GUCY1A2: variants seen among roughly 807,000 people sequenced by gnomAD.
GUCY1A2 encodes the protein guanylate cyclase 1 soluble subunit alpha 2.
Under a neutral mutation model 63.5 loss-of-function variants are expected in GUCY1A2, and 27 were observed. The ratio of observed to expected loss-of-function variants is 0.43; its 90% confidence interval spans 0.31 to 0.59. The LOEUF (loss-of-function observed/expected upper bound fraction) is 0.59, where lower values mean the gene tolerates loss of function less well. Among genes scored for constraint, GUCY1A2 ranks in the 20% least tolerant of loss-of-function variants. The pLI is 0.11. For missense variants in GUCY1A2, 768 were observed against 913.3 expected (o/e 0.84, Z 2.05); for synonymous variants, 364 against 343.5 (o/e 1.06, Z -0.66).
chr11:106,998,378 A>G (rs1861568355), intron 1 of GUCY1A2, among the ~76,000 whole-genome samples: 1 of 152,204 alleles, frequency 6.6e-6, no homozygotes, highest in South Asian at 2.1e-4. Context: ...ATGTTTTTTC[A>G]AATTCTTCCT....
chr11:106,883,372 T>A (rs1327487187), intron 4 of GUCY1A2, among the ~76,000 whole-genome samples: 3 of 152,122 alleles, frequency 2.0e-5, no homozygotes, highest in East Asian at 1.9e-4. Flanking sequence ...TTTGTATCTA[T>A]GATAATGTAT....
chr11:106,712,915 C>T (rs1863145119), intron 6 of GUCY1A2, among the ~76,000 whole-genome samples: 1 of 152,142 alleles, frequency 6.6e-6, no homozygotes, highest in Non-Finnish European at 1.5e-5. Context: ...CACATATGTG[C>T]ACTAATCACT....
In GUCY1A2 at chr11:106,795,133, C is replaced by T. The variant is rs190704223; in HGVS notation, c.1692+14860G>A. Among the ~76,000 whole-genome samples the T allele has an allele frequency of 5.3e-5, 8 of 152,240 alleles. No homozygotes were observed. The Middle Eastern group carries it at 0.01, about 194-fold the overall frequency. On this transcript the variant is annotated intron_variant, in intron 5 of 7. Coordinates refer to ENST00000526355, the MANE Select transcript of GUCY1A2 (RefSeq NM_000855.3). ...CCATTTTATAGATGCAGAAGCTGAA[C>T]ACAGATAAGTTACGTGACTTACTCA...
At chr11:106,929,387 C>G (rs1288237233) in intron 4 of GUCY1A2, among the ~76,000 whole-genome samples, 1 of 152,074 alleles carries the variant, frequency 6.6e-6, no homozygotes, top group Non-Finnish European at 1.5e-5. Flanking sequence ...ATTTTAAAAG[C>G]CACTATGTAC....
At chr11:106,823,901 T>A (rs1260259468) in intron 4 of GUCY1A2, 3 of 330,160 alleles carry the variant, frequency 9.1e-6, no homozygotes, top group Admixed American at 5.1e-5. Flanking sequence ...CTTTGCCCAC[T>A]TTTTTTTTCT....
chr11:106,769,934 AGAAAAT>A (rs1257813695), intron 6 of GUCY1A2, among the ~76,000 whole-genome samples: 1 of 152,176 alleles, frequency 6.6e-6, no homozygotes, highest in Non-Finnish European at 1.5e-5. Flanking sequence ...AAAGAATCTT[AGAAAAT>A]TAATTAGGTT....
chr11:106,683,681 G>A lies in GUCY1A2; in HGVS notation c.*3868C>T, dbSNP rs61903146. 0.099 allele frequency: 22,346 copies of A among 225,650 alleles called. 1,456 individuals are homozygous for A. The highest frequency in any genetic ancestry group is 0.14 in the Non-Finnish European group (15,873 of 113,154). 14.0% of individuals were successfully genotyped at this position (225,650 alleles called of 1,614,324 possible). A position where few individuals can be genotyped will look rare whatever the true frequency, so the allele number is the denominator to read the frequency against. On this transcript the variant is annotated 3_prime_UTR_variant, in exon 8 of 8. Coordinates refer to ENST00000526355, the MANE Select transcript of GUCY1A2 (RefSeq NM_000855.3). ...CTAGTGACAGAATGGAGTAAGAAAG[G>A]GTCCAGAATGGACTGAGTCATTCTC... is the stretch of plus-strand genomic sequence containing the variant.
At chr11:106,769,390 A>G (rs1864216530) in intron 6 of GUCY1A2, among the ~76,000 whole-genome samples, 1 of 152,194 alleles carries the variant, frequency 6.6e-6, no homozygotes, top group Non-Finnish European at 1.5e-5. Context: ...AGTTTAATCA[A>G]TAATTTTTAC....
chr11:106,913,038 T>C (rs944470019), intron 4 of GUCY1A2, among the ~76,000 whole-genome samples: 2 of 152,140 alleles, frequency 1.3e-5, no homozygotes, highest in Admixed American at 6.6e-5. Context: ...GGAAAACATG[T>C]TGGTTTTAGA....
chr11:106,799,050 G>A (rs1328809254), intron 5 of GUCY1A2, among the ~76,000 whole-genome samples: 2 of 152,128 alleles, frequency 1.3e-5, no homozygotes, highest in Admixed American at 6.6e-5. Context: ...AAGCTGATAA[G>A]CAACTTCAGC....
chr11:106,884,147 G>A (rs557573815), intron 4 of GUCY1A2, among the ~76,000 whole-genome samples: 5 of 152,030 alleles, frequency 3.3e-5, no homozygotes, highest in Admixed American at 2.6e-4. Flanking sequence ...AGACCTGCAC[G>A]TTCTGCACAT....
chr11:106,699,934 C>T (rs373840384), intron 7 of GUCY1A2, among the ~76,000 whole-genome samples: 1 of 151,856 alleles, frequency 6.6e-6, no homozygotes, highest in Admixed American at 6.6e-5. Context: ...GGCGCCCGTC[C>T]CCTCGCCTGG....
intron 4 of GUCY1A2, among the ~76,000 whole-genome samples, chr11:106,867,919 GT>G (rs1341116773): frequency 6.6e-6 from 1 of 151,956 alleles, no homozygotes; most frequent in African/African-American, 2.4e-5. Context: ...AATGACATTT[GT>G]TCCAAATTTA....
chr11:106,988,613 A>G (rs1298596640), intron 1 of GUCY1A2, among the ~76,000 whole-genome samples: 1 of 152,256 alleles, frequency 6.6e-6, no homozygotes, highest in African/African-American at 2.4e-5. Flanking sequence ...TAGTTTCCAC[A>G]TACATTAAAA....
At chr11:106,958,982 T>G (rs1861025611) in intron 3 of GUCY1A2, among the ~76,000 whole-genome samples, 1 of 152,184 alleles carries the variant, frequency 6.6e-6, no homozygotes, top group Admixed American at 6.5e-5. Context: ...AAAATGAGTA[T>G]CAGTGGTGCA....
At chr11:106,696,567 T>C (rs1301413245) in intron 7 of GUCY1A2, among the ~76,000 whole-genome samples, 1 of 152,178 alleles carries the variant, frequency 6.6e-6, no homozygotes, top group Non-Finnish European at 1.5e-5. Context: ...TTAAGAATTC[T>C]ATGTTCTCTA....
At position 106,711,443 on chromosome 11, in the gene GUCY1A2, A is replaced by G. The variant is rs529872023; in HGVS notation, c.1837-2777T>C. On this transcript the variant is annotated intron_variant, in intron 6 of 7. Coordinates refer to ENST00000526355, the MANE Select transcript of GUCY1A2 (RefSeq NM_000855.3). ...TGCAAAATATAGATACTTTGAAAAC[A>G]TAGACTTTTATTTGTCTTTCAATAA... Among the ~76,000 whole-genome samples the G allele has an allele frequency of 3.9e-5, 6 of 152,286 alleles. No homozygotes were observed. In the South Asian group the frequency reaches 1.2e-3, roughly 32 times the overall value.
intron 4 of GUCY1A2, among the ~76,000 whole-genome samples, chr11:106,812,196 CAT>C (rs796418774): frequency 2.6e-5 from 4 of 151,904 alleles, no homozygotes; most frequent in East Asian, 3.9e-4. Context: ...TTAAGATTGA[CAT>C]AAGCGCAAAA....
chr11:106,849,397 T>C (rs1859321170), intron 4 of GUCY1A2, among the ~76,000 whole-genome samples: 1 of 150,654 alleles, frequency 6.6e-6, no homozygotes, highest in South Asian at 2.1e-4. Flanking sequence ...TATACAAGCC[T>C]GCATATGGTA....
Sources: gnomAD v4.1 joint callset for allele counts (sites outside exome capture counted in the v4.1 genomes callset) on GRCh38, gnomAD v4.1.1 for gene constraint, MANE v1.5 for transcripts, NCBI Gene and HGNC (gene_info 2026-07-23, HGNC 2026-07-21) for gene names.